NAV2: variants seen among roughly 807,000 people sequenced by gnomAD.
NAV2 encodes the protein helicase, APC down-regulated 1.
A neutral mutation model predicts 223.2 loss-of-function variants in NAV2; 54 were observed. The ratio of observed to expected loss-of-function variants is 0.24; its 90% CI spans 0.19 to 0.30. NAV2 has a LOEUF of 0.30. Among genes scored for constraint, NAV2 ranks in the 10% least tolerant of loss-of-function variants. The pLI is 1.00. For synonymous variants in NAV2, 1,279 were observed against 1,239.3 expected (o/e 1.03, Z -0.67); for missense variants, 2,806 against 3,147.5 (o/e 0.89, Z 2.60).
At chr11:19,578,966 A>G (rs965102187) in intron 1 of NAV2, among the ~76,000 whole-genome samples, 12 of 152,190 alleles carry the variant, frequency 7.9e-5, no homozygotes, top group African/African-American at 2.7e-4. Flanking sequence ...AGTGGCCTAG[A>G]TGTAAATGTG....
In NAV2 at chr11:20,045,415, C is replaced by T; in HGVS notation, c.3647C>T (p.Ser1216Phe). ...AGGTCTAGCACCAGCAGCATAGATT[C>T]CAACATTAGCAGCAAGTCCGCAGGC... ...GNRSSTSSIDSNISSKSAGLP... is the reference protein window; with the variant it reads ...GNRSSTSSIDFNISSKSAGLP... The change falls in exon 14 of 38, where the codon TCC becomes TTC. Residue 1216 changes from serine to phenylalanine, a missense_variant. This residue lies in a region of NAV2 where 742 missense variants were observed against 777.9 expected (regional missense o/e 0.95). Coordinates refer to ENST00000349880, the MANE Select transcript of NAV2 (RefSeq NM_145117.5). 6.2e-7 allele frequency: 1 copy of T among 1,614,152 alleles called. No individual in the cohort carries two copies. The highest frequency in any genetic ancestry group is 8.5e-7 in the Non-Finnish European group (1 of 1,180,022).
At chr11:19,907,255 A>G (rs930766167) in intron 6 of NAV2, among the ~76,000 whole-genome samples, 1 of 151,774 alleles carries the variant, frequency 6.6e-6, no homozygotes, top group Non-Finnish European at 1.5e-5. Context: ...CCAGTTCTCC[A>G]CTCCTGGTCT....
chr11:20,019,153 C>T (rs2153528312), intron 11 of NAV2, among the ~76,000 whole-genome samples: 2 of 152,220 alleles, frequency 1.3e-5, no homozygotes, highest in East Asian at 3.9e-4. Context: ...CAGGATGGAG[C>T]CTAGCAAGGC....
At chr11:19,899,962 G>T (rs2042308212) in intron 6 of NAV2, among the ~76,000 whole-genome samples, 1 of 152,136 alleles carries the variant, frequency 6.6e-6, no homozygotes, top group Admixed American at 6.5e-5. Context: ...AGAGATCTTT[G>T]TCATTGCTGG....
At chr11:19,724,306 A>G (rs1338620107) in intron 1 of NAV2, among the ~76,000 whole-genome samples, 1 of 152,240 alleles carries the variant, frequency 6.6e-6, no homozygotes, top group Non-Finnish European at 1.5e-5. Flanking sequence ...GATTGGAACC[A>G]GCCCTATGCT....
Position 19,713,953 on chromosome 11 carries a change from C to A in NAV2, c.258C>A (p.Phe86Leu), listed in dbSNP as rs147977739. The A allele has an allele frequency of 7.8e-5, 126 of 1,612,900 alleles. No individual in the cohort carries two copies. The African/African-American group carries it at 1.5e-3, about 19-fold the overall frequency. ...LRKSGSVENG[F>L]DTQIYTDWAN... ...AGAGCGGCTCGGTGGAAAACGGGTT[C>A]GATACCCAGGTGAGAGATGCCGTTT... The change falls in exon 1 of 38, where the codon TTC (phenylalanine) becomes TTA (leucine). Residue 86 changes from phenylalanine (F) to leucine (L), a missense_variant. Physicochemically the swap from Phe to Leu is conservative, Grantham distance 22. Around this residue, in one of 4 missense-constraint regions of NAV2, gnomAD observed 1,167 missense variants for 1,180.5 expected, o/e 0.99. Transcript: ENST00000349880. This position sits in a 1 kb window ranked among gnomAD's most constrained non-coding sequence, Gnocchi z 7.2.
intron 1 of NAV2, among the ~76,000 whole-genome samples, chr11:19,771,156 C>T (rs2055688038): frequency 1.3e-5 from 2 of 152,098 alleles, no homozygotes; most frequent in Admixed American, 1.3e-4. Context: ...ATTCTGAGTA[C>T]ACAAAGATGA....
intron 19 of NAV2, among the ~76,000 whole-genome samples, chr11:20,057,754 C>T (rs1013668517): frequency 1.3e-5 from 2 of 152,208 alleles, no homozygotes; most frequent in Admixed American, 6.5e-5. Context: ...AAGCACACTT[C>T]GCCTCATAAA....
At chr11:19,954,911 A>ATGTC (rs369623265) in intron 10 of NAV2, among the ~76,000 whole-genome samples, 2 of 33,000 alleles carry the variant, frequency 6.1e-5, no homozygotes, top group Admixed American at 4.8e-4. Flanking sequence ...ATATGTGTAT[A>ATGTC]TATGTGTGTG....
In NAV2 at chr11:19,849,302, G is replaced by A. The variant is rs141239404; in HGVS notation, c.438+6379G>A. Reference sequence around the variant, plus strand: ...AAAATAGTCTCCACCTCACCAAGCCGTGTTCTCCTTAGTTTTCATCTGCAG... The same window carrying A: ...AAAATAGTCTCCACCTCACCAAGCCATGTTCTCCTTAGTTTTCATCTGCAG... On this transcript the variant is annotated intron_variant, in intron 3 of 37. Coordinates refer to ENST00000349880, the MANE Select transcript of NAV2 (RefSeq NM_145117.5). Among the ~76,000 whole-genome samples the A allele has an allele frequency of 3.3e-5, 5 of 152,248 alleles. No homozygotes were observed. In the East Asian group the frequency reaches 9.6e-4, roughly 29 times the overall value.
chr11:19,989,466 G>A (rs184206159), intron 11 of NAV2, among the ~76,000 whole-genome samples: 24 of 152,148 alleles, frequency 1.6e-4, no homozygotes, highest in Non-Finnish European at 3.2e-4. Context: ...TTTAGCCCAC[G>A]AGACCCATGT....
intron 1 of NAV2, chr11:19,351,132 C>G (rs2081490689): frequency 8.5e-7 from 1 of 1,171,656 alleles, no homozygotes; most frequent in Non-Finnish European, 1.2e-6. Context: ...CTGTCTTTCT[C>G]TCCGGAAGGA....
At chr11:19,945,886 A>G (rs556388193) in intron 8 of NAV2, among the ~76,000 whole-genome samples, 20 of 152,368 alleles carry the variant, frequency 1.3e-4, no homozygotes, top group African/African-American at 4.8e-4. Flanking sequence ...TTGAGGTGAC[A>G]TAATACATCT....
At chr11:19,873,050 C>T (rs2153063056) in intron 4 of NAV2, among the ~76,000 whole-genome samples, 1 of 152,204 alleles carries the variant, frequency 6.6e-6, no homozygotes, top group East Asian at 1.9e-4. Flanking sequence ...TTATTTCTGG[C>T]CATTTTGAGA....
At chr11:19,619,578 A>G (rs2135402896) in intron 1 of NAV2, among the ~76,000 whole-genome samples, 1 of 152,270 alleles carries the variant, frequency 6.6e-6, no homozygotes, top group East Asian at 1.9e-4. Context: ...GTGTCTGTTC[A>G]TATCCTTCGC....
chr11:20,015,957 G>A (rs2053969870), intron 11 of NAV2, among the ~76,000 whole-genome samples: 2 of 152,164 alleles, frequency 1.3e-5, no homozygotes, highest in Non-Finnish European at 1.5e-5. Context: ...AATCAAACAG[G>A]ATTTGGCTCC....
chr11:19,466,318 T>C (rs1852348707), intron 1 of NAV2, among the ~76,000 whole-genome samples: 1 of 152,214 alleles, frequency 6.6e-6, no homozygotes, highest in Non-Finnish European at 1.5e-5. Context: ...TTATTTTCTC[T>C]ACCAAATGCC....
In NAV2 at chr11:19,779,860, A is replaced by G. The variant is rs570227159; in HGVS notation, c.268-52624A>G. 7.2e-5 allele frequency among the ~76,000 whole-genome samples: 11 copies of G among 152,284 alleles called. No homozygotes were observed. In the South Asian group the frequency reaches 2.3e-3, roughly 32 times the overall value. ...AAACCTTTCTTACCTTTGAATCATT[A>G]GTAGCCCTCAGCAGGAAGGAGCTCC... On this transcript the variant is annotated intron_variant, in intron 1 of 37. Transcript: ENST00000349880.
chr11:19,350,205 C>A (rs1411573586), upstream of NAV2, among the ~76,000 whole-genome samples: 1 of 152,142 alleles, frequency 6.6e-6, no homozygotes, highest in South Asian at 2.1e-4. Flanking sequence ...GCCCGTGAGG[C>A]CCCTGGAGTT....
Sources: gnomAD v4.1 joint callset for allele counts (sites outside exome capture counted in the v4.1 genomes callset) on GRCh38, gnomAD v4.1.1 for gene constraint, gnomAD v4.1.1 regional missense constraint, Gnocchi (gnomAD v3.1) non-coding constraint, MANE v1.5 for transcripts, NCBI Gene and HGNC (gene_info 2026-07-23, HGNC 2026-07-21) for gene names.